Variants in SPICE1 observed in about 807,000 individuals in gnomAD.
SPICE1 encodes spindle and centriole-associated protein 1.
SPICE1 carries 75 observed loss-of-function variants against 102.7 expected under a neutral mutation model. That is an observed-to-expected ratio of 0.73 (90% CI 0.61 to 0.88). The LOEUF (loss-of-function observed/expected upper bound fraction) is 0.88, where lower values mean the gene tolerates loss of function less well. Among genes scored for constraint, SPICE1 ranks in the 40% least tolerant of loss-of-function variants. The pLI is 0.00. For missense variants in SPICE1, 979 were observed against 1,020.1 expected, an observed-to-expected ratio of 0.96 and a Z score of 0.55; for synonymous variants, 308 against 350.3, an observed-to-expected ratio of 0.88 and a Z score of 1.35.
Position 113,514,879 on chromosome 3 carries a change from A to G in SPICE1, c.-1+18T>C. The G allele has an allele frequency of 1.7e-6, 2 of 1,205,452 alleles. No individual in the cohort carries two copies. The highest frequency in any genetic ancestry group is 2.1e-6 in the Non-Finnish European group (2 of 948,786). The allele number at this position is 1,205,452 out of a possible 1,614,324, so 74.7% of individuals were successfully genotyped here. The stretch of plus-strand genomic sequence containing the variant: ...GCGCCACGCACAAACATACCCAGAC[A>G]CGCACCCTGACACGTACTTGCACTC... On this transcript the variant is annotated intron_variant, in intron 1 of 17. Transcript: ENST00000295872.
At chr3:113,475,021 A>G (rs968510945) in intron 7 of SPICE1, among the ~76,000 whole-genome samples, 1 of 152,184 alleles carries the variant, frequency 6.6e-6, no homozygotes, top group African/African-American at 2.4e-5. Context: ...GATCAACAAA[A>G]TTGATAGACT....
intron 7 of SPICE1, among the ~76,000 whole-genome samples, chr3:113,486,995 G>A (rs1380747381): frequency 6.6e-6 from 1 of 151,742 alleles, no homozygotes; most frequent in Non-Finnish European, 1.5e-5. Flanking sequence ...GATAGGGGAT[G>A]GTGACTGACA....
chr3:113,481,573 C>A (rs117587822), intron 7 of SPICE1, among the ~76,000 whole-genome samples: 4,404 of 152,102 alleles, frequency 0.029, 113 homozygotes, highest in East Asian at 0.1. Flanking sequence ...CTAGCCCCCC[C>A]AACCCTCCAA....
In SPICE1 at chr3:113,493,177, G is replaced by C. The variant is rs781267740; in HGVS notation, c.492+29C>G. ...CAACTTAAACTTCCTTTCAGCATGA[G>C]TGTTATAGCTGTGAGTGGAACACAT... On this transcript the variant is annotated intron_variant, in intron 6 of 17. Transcript: ENST00000295872. The C allele has an allele frequency of 2.7e-6, 4 of 1,472,414 alleles. No homozygotes were observed. The Admixed American group carries it at 6.5e-5, about 24-fold the overall frequency. 91.2% of individuals were successfully genotyped at this position (1,472,414 alleles called of 1,614,324 possible).
chr3:113,457,078 C>T, intron 13 of SPICE1, 58 bp downstream of exon 13: 1 of 1,502,646 alleles, frequency 6.7e-7, no homozygotes, highest in Non-Finnish European at 9.2e-7. Flanking sequence ...GAAAGTAATA[C>T]ATTGCACAAA....
chr3:113,459,041 G>A (rs2107453508), intron 12 of SPICE1, among the ~76,000 whole-genome samples: 1 of 152,298 alleles, frequency 6.6e-6, no homozygotes, highest in Non-Finnish European at 1.5e-5. Flanking sequence ...GAAAGAAGTA[G>A]ACATAGGAGA....
rs900787696 is a variant in SPICE1 at position 113,489,834 on chromosome 3, C to A, written c.493-771G>T. On this transcript the variant is annotated intron_variant, in intron 6 of 17. Coordinates refer to ENST00000295872, the MANE Select transcript of SPICE1 (RefSeq NM_144718.4). The stretch of plus-strand genomic sequence containing the variant: ...CTGCATTCCAGCCTGGGCAACAGAG[C>A]AAGACCCTGTCTCAAAAAAAAAAAA... 6.7e-5 allele frequency among the ~76,000 whole-genome samples: 8 copies of A among 119,798 alleles called. No homozygotes were observed. The South Asian group carries it at 1.1e-3, about 17-fold the overall frequency. The allele number at this position is 119,798 out of a possible 152,430, so 78.6% of individuals were successfully genotyped here.
chr3:113,477,248 A>G (rs1192286477), intron 7 of SPICE1, among the ~76,000 whole-genome samples: 5 of 152,142 alleles, frequency 3.3e-5, no homozygotes, highest in South Asian at 4.1e-4. Context: ...ATCATCTCAC[A>G]CCAGTTAGAA....
At chr3:113,457,447 G>A in intron 12 of SPICE1, 90 bp from the exon 13 acceptor site, 1 of 1,313,082 alleles carries the variant, frequency 7.6e-7, no homozygotes, top group Non-Finnish European at 1.1e-6. Flanking sequence ...CATCTCAGTA[G>A]AGTGCAAAAT....
rs1400256457 is a variant in SPICE1 at position 113,468,796 on chromosome 3, C to T, written c.855G>A (p.Leu285=). Residue 285 remains leucine (L), a synonymous_variant, in exon 9 of 18, where the codon CTG becomes CTA. Coordinates refer to ENST00000295872, the MANE Select transcript of SPICE1 (RefSeq NM_144718.4). ...LDSSYVVGHV[L]NSRKQKQLLN... is the part of the protein sequence containing the mutation. ...ACAGCTGTTTTTGCTTCCTTGAGTT[C>T]AGCACGTGTCCCACAACGTAGCTTG... 6.2e-7 allele frequency: 1 copy of T among 1,613,780 alleles called. No homozygotes were observed. Among genetic ancestry groups the T allele is most frequent in the Non-Finnish European group, 8.5e-7 (1 of 1,179,980 alleles).
rs779736796 is a variant in SPICE1 at position 113,445,320 on chromosome 3, G to C, written c.2555C>G (p.Thr852Ser). The C allele has an allele frequency of 2.5e-6, 4 of 1,612,726 alleles. No individual in the cohort carries two copies. In the South Asian group the frequency reaches 3.3e-5, roughly 13 times the overall value. Reference sequence around the variant, plus strand: ...ACTTGACTTCACTTATGATACATGGGTAGAAAGAGCAAACCAGCCTTCTTC... The same window carrying C: ...ACTTGACTTCACTTATGATACATGGCTAGAAAGAGCAAACCAGCCTTCTTC... Reference protein sequence around the residue: ...QNEEGWFALSTHVS With the variant: ...QNEEGWFALSSHVS Residue 852 changes from threonine to serine, a missense_variant, in exon 18 of 18, where the codon ACC becomes AGC. Transcript: ENST00000295872.
chr3:113,503,148 A>G, intron 3 of SPICE1, 32 bp downstream of exon 3: 1 of 1,596,884 alleles, frequency 6.3e-7, no homozygotes, highest in South Asian at 1.1e-5. Context: ...AAAACACTGA[A>G]TAAATGACTT....
At chr3:113,451,653 C>T (rs1452753856) in intron 14 of SPICE1, among the ~76,000 whole-genome samples, 1 of 152,164 alleles carries the variant, frequency 6.6e-6, no homozygotes, top group East Asian at 1.9e-4. Context: ...CAAGAGTTGC[C>T]TGTTATGAAT....
At chr3:113,503,390 G>C (rs1040674533) in intron 2 of SPICE1, among the ~76,000 whole-genome samples, 163 bp from the exon 3 acceptor site, 1 of 152,024 alleles carries the variant, frequency 6.6e-6, no homozygotes, top group African/African-American at 2.4e-5. Flanking sequence ...ACACATATTA[G>C]TTTTAGGTGT....
At chr3:113,505,914 A>G (rs543432492) in intron 2 of SPICE1, among the ~76,000 whole-genome samples, 6 of 152,158 alleles carry the variant, frequency 3.9e-5, no homozygotes, top group Non-Finnish European at 8.8e-5. Flanking sequence ...TCTTAAAAAA[A>G]AGATATAAAT....
At chr3:113,487,232 T>A (rs1046845383) in intron 7 of SPICE1, among the ~76,000 whole-genome samples, 2 of 152,128 alleles carry the variant, frequency 1.3e-5, no homozygotes, top group Non-Finnish European at 2.9e-5. Context: ...TGAATATGAA[T>A]AAATATACTT....
chr3:113,501,418 A>G (rs995997510), intron 3 of SPICE1, among the ~76,000 whole-genome samples: 2 of 152,192 alleles, frequency 1.3e-5, no homozygotes, highest in Non-Finnish European at 2.9e-5. Flanking sequence ...GGTAAATTTG[A>G]CTTCATCAAA....
intron 6 of SPICE1, 41 bp from the exon 7 acceptor site, chr3:113,489,104 A>G (rs755722425): frequency 7.9e-7 from 1 of 1,270,796 alleles, no homozygotes; most frequent in Non-Finnish European, 1.1e-6. Context: ...AGTTGATTAT[A>G]TATATACTCA....
intron 1 of SPICE1, among the ~76,000 whole-genome samples, chr3:113,512,183 A>T (rs1937233920): frequency 6.6e-6 from 1 of 152,204 alleles, no homozygotes. Context: ...TGAAATGATA[A>T]ATAGTAATTG....
Sources: gnomAD v4.1 joint callset for allele counts (sites outside exome capture counted in the v4.1 genomes callset) on GRCh38, gnomAD v4.1.1 for gene constraint, MANE v1.5 for transcripts, NCBI Gene and HGNC (gene_info 2026-07-23, HGNC 2026-07-21) for gene names.